The following WDR43 variants were observed in gnomAD, a reference collection of about 807,000 sequenced individuals.
WDR43 encodes the protein WD repeat-containing protein 43.
Under a neutral mutation model 91.4 loss-of-function variants are expected in WDR43, and 13 were observed. That is an observed-to-expected ratio of 0.14 (90% CI 0.09 to 0.23). The LOEUF is 0.23. Ranked by LOEUF, WDR43 falls within the 10% of genes least tolerant of loss-of-function variation. The pLI is 1.00. For missense variants in WDR43, 780 were observed against 809.4 expected, an observed-to-expected ratio of 0.96 and a Z score of 0.44; for synonymous variants, 331 against 287.9, an observed-to-expected ratio of 1.15 and a Z score of -1.51.
intron 9 of WDR43, chr2:28,926,946 G>A: frequency 4.7e-6 from 2 of 426,980 alleles, no homozygotes; most frequent in South Asian, 3.5e-5. Context: ...CCGTCATGGG[G>A]CTAGAATATA....
At position 28,906,434 on chromosome 2, in the gene WDR43, ATT is replaced by A. The variant is rs36066576; in HGVS notation, c.364-11_364-10del. The A allele has an allele frequency of 0.027, 35,746 of 1,347,894 alleles. No individual in the cohort carries two copies. The highest frequency in any genetic ancestry group is 0.15 in the East Asian group (5,034 of 33,502). The allele number at this position is 1,347,894 out of a possible 1,614,324, so 83.5% of individuals were successfully genotyped here. A position where few individuals can be genotyped will look rare whatever the true frequency, so the allele number is the denominator to read the frequency against. On this transcript the variant is annotated intron_variant, in intron 2 of 17. Coordinates refer to ENST00000407426, the MANE Select transcript of WDR43 (RefSeq NM_015131.3). Reference sequence around the variant, plus strand: ...CCCAGGAGTTTGAGACCAGCCTTAAATTTTTTTTTTTTTTTTAATCTACAGAG... The same window carrying A: ...CCCAGGAGTTTGAGACCAGCCTTAAATTTTTTTTTTTTTTAATCTACAGAG...
At chr2:28,934,899 T>C (rs2148196347) in intron 11 of WDR43, among the ~76,000 whole-genome samples, 1 of 152,290 alleles carries the variant, frequency 6.6e-6, no homozygotes, top group East Asian at 1.9e-4. Flanking sequence ...CTTCTACTTC[T>C]GTAAAGCATG....
Position 28,926,486 on chromosome 2 carries a change from C to T in WDR43, c.1105C>T (p.Pro369Ser). 4 of 1,591,826 alleles carry T rather than the reference C, an allele frequency of 2.5e-6. No homozygotes were observed. Among genetic ancestry groups the T allele is most frequent in the Non-Finnish European group, 3.4e-6 (4 of 1,167,816 alleles). Residue 369 changes from proline to serine, a missense_variant, in exon 9 of 18, where the codon CCT becomes TCT. Transcript: ENST00000407426. ...TTTTCAGGCTTTAAACTCCAGAGAA[C>T]CTCATATGTGTTTAGTAAGAGATAT... is the stretch of plus-strand genomic sequence containing the variant. The part of the protein sequence containing the change: ...IERVALNSRE[P>S]HMCLVRDISN...
At chr2:28,906,602 C>A (rs748015874) in intron 3 of WDR43, 21 bp downstream of exon 3, 15 of 1,606,362 alleles carry the variant, frequency 9.3e-6, no homozygotes, top group African/African-American at 2.7e-5. Context: ...TTCATGGTAT[C>A]AGGAAATGCA....
chr2:28,904,462 A>C (rs575598832), intron 2 of WDR43, among the ~76,000 whole-genome samples: 3 of 152,218 alleles, frequency 2.0e-5, no homozygotes, highest in Non-Finnish European at 4.4e-5. Flanking sequence ...ACATCGCTAA[A>C]TTGCTTTCCA....
intron 11 of WDR43, chr2:28,930,066 G>A (rs1055666827): frequency 2.1e-5 from 10 of 475,338 alleles, no homozygotes; most frequent in Non-Finnish European, 3.5e-5. Context: ...AGGAAAATGC[G>A]TTCCTGAGTT....
chr2:28,917,632 T>C (rs1670940493), intron 5 of WDR43, among the ~76,000 whole-genome samples: 1 of 152,192 alleles, frequency 6.6e-6, no homozygotes, highest in Non-Finnish European at 1.5e-5. Flanking sequence ...GACAGATCAA[T>C]AGAAAAAAAC....
In WDR43 at chr2:28,930,365, G is replaced by A. The variant is rs528569613; in HGVS notation, c.1437+655G>A. Reference sequence around the variant, plus strand: ...TTAAGTGAAAAACAGTTCGATTCAAGTACTGCCTGATCAGATTAAAGCAGT... The same window carrying A: ...TTAAGTGAAAAACAGTTCGATTCAAATACTGCCTGATCAGATTAAAGCAGT... On this transcript the variant is annotated intron_variant, in intron 11 of 17. Coordinates refer to ENST00000407426, the MANE Select transcript of WDR43 (RefSeq NM_015131.3). Among the ~76,000 whole-genome samples the A allele has an allele frequency of 4.0e-4, 61 of 152,296 alleles. 1 individual carries two copies. Among genetic ancestry groups the A allele is most frequent in the East Asian group, 3.5e-3 (18 of 5,192 alleles).
intron 1 of WDR43, among the ~76,000 whole-genome samples, chr2:28,897,942 G>A (rs1478462519): frequency 9.2e-5 from 14 of 152,184 alleles, no homozygotes; most frequent in African/African-American, 3.4e-4. Flanking sequence ...AAGAAGATAG[G>A]AAAGTGCAAA....
At chr2:28,946,301 A>G in intron 16 of WDR43, 149 bp from the exon 17 acceptor site, 1 of 884,374 alleles carries the variant, frequency 1.1e-6, no homozygotes, top group South Asian at 2.6e-5. Context: ...AAAAAAAAAT[A>G]ATAAAATAAT....
intron 9 of WDR43, 88 bp downstream of exon 9, chr2:28,926,642 GT>G: frequency 8.8e-7 from 1 of 1,139,848 alleles, no homozygotes; most frequent in Non-Finnish European, 1.2e-6. Context: ...ATTAAACTGA[GT>G]TTTTTATTCT....
intron 6 of WDR43, among the ~76,000 whole-genome samples, chr2:28,918,836 C>T (rs1301332625): frequency 1.3e-5 from 2 of 152,152 alleles, no homozygotes; most frequent in Non-Finnish European, 2.9e-5. Context: ...TTGATTTGCA[C>T]AGAATCCCAC....
At chr2:28,919,128 T>C (rs898645344) in intron 6 of WDR43, among the ~76,000 whole-genome samples, 2 of 152,156 alleles carry the variant, frequency 1.3e-5, no homozygotes, top group Non-Finnish European at 2.9e-5. Context: ...CATGGTGGCA[T>C]GCACTGGTGG....
intron 10 of WDR43, chr2:28,927,998 T>G (rs1671174733): frequency 3.9e-6 from 1 of 254,972 alleles, no homozygotes; most frequent in African/African-American, 2.2e-5. Flanking sequence ...GTGATGACTA[T>G]CATTGGGTTT....
rs1237071596 is a variant in WDR43 at position 28,947,450 on chromosome 2, A to G, written c.*671A>G. ...AAACAAAACAAAAATTATGGTCATT[A>G]AAAAACTAGAGAATTAGCCATATTA... is the stretch of plus-strand genomic sequence containing the variant. On this transcript the variant is annotated 3_prime_UTR_variant, in exon 18 of 18. Coordinates refer to ENST00000407426, the MANE Select transcript of WDR43 (RefSeq NM_015131.3). 1 of 152,176 alleles carries G rather than the reference A, an allele frequency of 6.6e-6. No homozygotes were observed. Among genetic ancestry groups the G allele is most frequent in the Non-Finnish European group, 1.5e-5 (1 of 68,026 alleles). 9.4% of individuals were successfully genotyped at this position (152,176 alleles called of 1,614,324 possible).
At position 28,946,887 on chromosome 2, in the gene WDR43, T is replaced by C. The variant is rs1671553182; in HGVS notation, c.*108T>C. ...CAAGGACCGCTGCACATTTCCAAAT[T>C]CACAGCAGTGGATCCCATGCCACTT... On this transcript the variant is annotated 3_prime_UTR_variant, in exon 18 of 18. Coordinates refer to ENST00000407426, the MANE Select transcript of WDR43 (RefSeq NM_015131.3). The C allele has an allele frequency of 4.6e-6, 6 of 1,299,098 alleles. No homozygotes were observed. The highest frequency in any genetic ancestry group is 5.1e-6 in the Non-Finnish European group (5 of 973,298). 80.5% of individuals were successfully genotyped at this position (1,299,098 alleles called of 1,614,324 possible). A position where few individuals can be genotyped will look rare whatever the true frequency, so the allele number is the denominator to read the frequency against.
At chr2:28,903,490 A>T (rs960123752) in intron 2 of WDR43, among the ~76,000 whole-genome samples, 1 of 152,192 alleles carries the variant, frequency 6.6e-6, no homozygotes, top group Admixed American at 6.5e-5. Context: ...AGAAACAGCT[A>T]ATTTGGTAGA....
intron 1 of WDR43, among the ~76,000 whole-genome samples, 180 bp from the exon 2 acceptor site, chr2:28,901,807 G>A (rs1670581829): frequency 6.6e-6 from 1 of 152,076 alleles, no homozygotes; most frequent in Admixed American, 6.5e-5. Flanking sequence ...AGAATTACGA[G>A]TTTCTCTTCC....
rs201593190 is a variant in WDR43 at position 28,912,613 on chromosome 2, G to C, written c.509G>C (p.Ser170Thr). Residue 170 changes from serine to threonine, a missense_variant, in exon 4 of 18, where the codon AGT (serine) becomes ACT (threonine). By Grantham distance (58) the Ser-to-Thr change is moderately conservative. Around this residue, in one of 4 missense-constraint regions of WDR43, gnomAD observed 174 missense variants for 207.3 expected, o/e 0.84. Coordinates refer to ENST00000407426, the MANE Select transcript of WDR43 (RefSeq NM_015131.3). ...VKCKWKGDNSSVSSLCISPDG... is the reference protein window; with the variant it reads ...VKCKWKGDNSTVSSLCISPDG... ...AGCAAATGGAAAGGCGACAATAGCA[G>C]TGTCAGTTCCCTATGTATCAGCCCA... The C allele has an allele frequency of 3.7e-4, 592 of 1,613,888 alleles. 1 individual carries two copies. In the African/African-American group the frequency reaches 6.9e-3, roughly 19 times the overall value.
Sources: gnomAD v4.1 joint callset for allele counts (sites outside exome capture counted in the v4.1 genomes callset) on GRCh38, gnomAD v4.1.1 for gene constraint, gnomAD v4.1.1 regional missense constraint, MANE v1.5 for transcripts, NCBI Gene and HGNC (gene_info 2026-07-23, HGNC 2026-07-21) for gene names.